Variants in ATP9B observed in about 807,000 individuals in gnomAD.
ATP9B encodes the protein ATPase phospholipid transporting 9B, also known as probable phospholipid-transporting ATPase IIB.
Under a neutral mutation model 146.1 loss-of-function variants are expected in ATP9B, and 110 were observed. The ratio of observed to expected loss-of-function variants is 0.75; its 90% CI spans 0.65 to 0.88. The LOEUF (loss-of-function observed/expected upper bound fraction) is 0.88, where lower values mean the gene tolerates loss of function less well. Among genes scored for constraint, ATP9B ranks in the 40% least tolerant of loss-of-function variants. ATP9B has a pLI of 0.00. For synonymous variants in ATP9B, 604 were observed against 569.7 expected, an observed-to-expected ratio of 1.06 and a Z score of -0.86; for missense variants, 1,499 against 1,496.4, an observed-to-expected ratio of 1.00 and a Z score of -0.03.
intron 2 of ATP9B, among the ~76,000 whole-genome samples, chr18:79,097,112 C>T (rs2974291): frequency 0.063 from 9,445 of 149,190 alleles, 371 homozygotes; most frequent in Non-Finnish European, 0.092. Flanking sequence ...GAGCCGAGAT[C>T]GAGCCACTGC....
intron 13 of ATP9B, among the ~76,000 whole-genome samples, chr18:79,284,294 T>G (rs2096411109): frequency 6.6e-6 from 1 of 152,204 alleles, no homozygotes; most frequent in Admixed American, 6.5e-5. Context: ...GCCTTACTGG[T>G]TCTGTTTTTA....
chr18:79,262,205 C>T (rs2145329691), intron 12 of ATP9B, among the ~76,000 whole-genome samples: 1 of 151,564 alleles, frequency 6.6e-6, no homozygotes, highest in South Asian at 2.1e-4. Context: ...TCCCCACAAC[C>T]TAGCCCTCAA....
chr18:79,121,661 T>TA (rs764253955), intron 4 of ATP9B, among the ~76,000 whole-genome samples: 1 of 152,212 alleles, frequency 6.6e-6, no homozygotes, highest in African/African-American at 2.4e-5. Flanking sequence ...CTTGGATAGA[T>TA]ACGCAGGGGA....
rs774432709 is a variant in ATP9B at position 79,336,703 on chromosome 18, G to T, written c.2104G>T (p.Asp702Tyr). 3.1e-6 allele frequency: 5 copies of T among 1,613,828 alleles called. No homozygotes were observed. The highest frequency in any genetic ancestry group is 4.2e-6 in the Non-Finnish European group (5 of 1,179,998). ...GGCGTTGACAGAGGAGCAGTACCAGGACTTTGAGGTGAGCCGACTCCCAGC... is the reference window on the plus strand; with the variant it reads ...GGCGTTGACAGAGGAGCAGTACCAGTACTTTGAGGTGAGCCGACTCCCAGC... ...KKALTEEQYQ[D>Y]FESRYTQAKL... The change falls in exon 18 of 30, where the codon GAC becomes TAC. Residue 702 changes from aspartate (D) to tyrosine (Y), a missense_variant. Coordinates refer to ENST00000426216, the MANE Select transcript of ATP9B (RefSeq NM_198531.5).
chr18:79,069,525 A>G lies in ATP9B; in HGVS notation c.115A>G (p.Ser39Gly), dbSNP rs4078115. 350,929 of 1,384,942 alleles carry G rather than the reference A, an allele frequency of 0.25. 46,482 individuals carry two copies. Among genetic ancestry groups the G allele is most frequent in the East Asian group, 0.48 (15,578 of 32,324 alleles). The allele number at this position is 1,384,942 out of a possible 1,614,324, so 85.8% of individuals were successfully genotyped here. A position where few individuals can be genotyped will look rare whatever the true frequency, so the allele number is the denominator to read the frequency against. ...AGPRPGADRH[S>G]RYQLEDESAH... is the part of the protein sequence containing the mutation. ...GCCCAGGCCGGGAGCCGACCGGCACAGCAGGTAACCGAGGCGGCACTGGCC... is the reference window on the plus strand; with the variant it reads ...GCCCAGGCCGGGAGCCGACCGGCACGGCAGGTAACCGAGGCGGCACTGGCC... The change falls in exon 1 of 30, where the codon AGC becomes GGC. Residue 39 changes from serine (S) to glycine (G), a missense_variant. By Grantham distance (56) the Ser-to-Gly change is moderately conservative (BLOSUM62 0). Transcript: ENST00000426216.
intron 15 of ATP9B, among the ~76,000 whole-genome samples, chr18:79,316,781 AAAAGT>A (rs2096682775): frequency 6.6e-6 from 1 of 152,266 alleles, no homozygotes; most frequent in Non-Finnish European, 1.5e-5. Flanking sequence ...GGGAGGAAGA[AAAAGT>A]AAAGGAAAAC....
At chr18:79,374,492 G>A (rs111613257) in intron 28 of ATP9B, among the ~76,000 whole-genome samples, 6 of 142,922 alleles carry the variant, frequency 4.2e-5, no homozygotes, top group Non-Finnish European at 6.2e-5. Context: ...GACAGGAGGC[G>A]CTGAGCCCCG....
In ATP9B at chr18:79,345,526, T is replaced by C. The variant is rs562822061; in HGVS notation, c.2571T>C (p.Ile857=). ...CRCSPTQKAR[I]VTLLQQHTGR... ...GCTCACCCACCCAGAAGGCCCGCAT[T>C]GTGACACTGCTGCAGCAGCACACAG... Residue 857 remains isoleucine, a synonymous_variant, in exon 22 of 30, where the codon ATT becomes ATC. Coordinates refer to ENST00000426216, the MANE Select transcript of ATP9B (RefSeq NM_198531.5). 1.6e-5 allele frequency: 26 copies of C among 1,612,210 alleles called. No homozygotes were observed. The South Asian group carries it at 2.6e-4, about 16-fold the overall frequency.
In ATP9B at chr18:79,327,801, C is replaced by T. The variant is rs80087155; in HGVS notation, c.1774-1340C>T. On this transcript the variant is annotated intron_variant, in intron 15 of 29. Transcript: ENST00000426216. Reference sequence around the variant, plus strand: ...TGCTCTCCGTGGTTAGCGTGCTCTCCGTGGTTAGCGTGTTCTCCGTGGTTA... The same window carrying T: ...TGCTCTCCGTGGTTAGCGTGCTCTCTGTGGTTAGCGTGTTCTCCGTGGTTA... Among the ~76,000 whole-genome samples, 455 of 100,466 alleles carry T rather than the reference C, an allele frequency of 4.5e-3. 59 individuals are homozygous for T. Among genetic ancestry groups the T allele is most frequent in the Admixed American group, 0.039 (353 of 8,948 alleles). 65.9% of individuals were successfully genotyped at this position (100,466 alleles called of 152,430 possible). A position where few individuals can be genotyped will look rare whatever the true frequency, so the allele number is the denominator to read the frequency against.
At chr18:79,136,812 G>T (rs1451266772) in intron 5 of ATP9B, among the ~76,000 whole-genome samples, 1 of 152,178 alleles carries the variant, frequency 6.6e-6, no homozygotes, top group East Asian at 1.9e-4. Flanking sequence ...TCACAGTTCA[G>T]CATGGCTGGG....
At chr18:79,088,446 A>G (rs1393616526) in intron 1 of ATP9B, among the ~76,000 whole-genome samples, 1 of 152,206 alleles carries the variant, frequency 6.6e-6, no homozygotes, top group Non-Finnish European at 1.5e-5. Context: ...AATATTATTA[A>G]TGTTTTAGTC....
intron 7 of ATP9B, among the ~76,000 whole-genome samples, chr18:79,156,083 G>C (rs775444314): frequency 2.0e-5 from 3 of 152,112 alleles, no homozygotes; most frequent in African/African-American, 7.2e-5. Flanking sequence ...CTTTCTACCA[G>C]TTGTAGTTAC....
intron 3 of ATP9B, 103 bp downstream of exon 3, chr18:79,110,608 G>T: frequency 4.9e-5 from 55 of 1,123,600 alleles, no homozygotes; most frequent in Non-Finnish European, 6.6e-5. Flanking sequence ...GTATTGAGTT[G>T]TGTCACATCC....
At chr18:79,326,900 G>GC (rs1326874686) in intron 15 of ATP9B, among the ~76,000 whole-genome samples, 1 of 151,216 alleles carries the variant, frequency 6.6e-6, no homozygotes. Context: ...TCCACTGTGT[G>GC]CCCTCACACC....
At chr18:79,320,601 T>A (rs970205791) in intron 15 of ATP9B, among the ~76,000 whole-genome samples, 49 of 152,232 alleles carry the variant, frequency 3.2e-4, no homozygotes, top group Non-Finnish European at 5.9e-5. Flanking sequence ...CCAGTCTTGC[T>A]TGGACAGCTT....
chr18:79,214,725 G>A (rs1444898859), intron 11 of ATP9B, among the ~76,000 whole-genome samples: 1 of 152,178 alleles, frequency 6.6e-6, no homozygotes, highest in African/African-American at 2.4e-5. Context: ...TGTAATTTAT[G>A]TGCATTTAGA....
At chr18:79,263,525 G>C (rs1267174568) in intron 12 of ATP9B, among the ~76,000 whole-genome samples, 1 of 152,206 alleles carries the variant, frequency 6.6e-6, no homozygotes, top group African/African-American at 2.4e-5. Flanking sequence ...TTCCTGTTTT[G>C]CTAGTTTCTA....
chr18:79,335,064 T>C (rs973449915), intron 17 of ATP9B, among the ~76,000 whole-genome samples: 3 of 152,068 alleles, frequency 2.0e-5, no homozygotes, highest in Admixed American at 2.0e-4. Context: ...AGGGAGGAAC[T>C]GTTTTCACTT....
chr18:79,335,626 TTGGGATC>T (rs1366519028), intron 17 of ATP9B, among the ~76,000 whole-genome samples: 1 of 152,170 alleles, frequency 6.6e-6, no homozygotes, highest in Admixed American at 6.5e-5. Flanking sequence ...CTTGTGAGCT[TTGGGATC>T]TGGCCGTGTC....
Sources: allele counts gnomAD v4.1 joint callset (sites outside exome capture counted in the v4.1 genomes callset), GRCh38; gene constraint gnomAD v4.1.1; transcripts MANE v1.5; gene names NCBI Gene and HGNC (gene_info 2026-07-23, HGNC 2026-07-21).